ARHGAP42: variants seen among roughly 807,000 people sequenced by gnomAD.
ARHGAP42 encodes Rho GTPase activating protein 42, also known as rho GTPase-activating protein 42.
ARHGAP42 carries 63 observed loss-of-function variants against 125.0 expected under a neutral mutation model. That is an observed-to-expected ratio of 0.50 (90% CI 0.41 to 0.62). ARHGAP42 has a LOEUF of 0.62. ARHGAP42 is among the 20% of genes least tolerant of loss of function. The pLI is 0.00. For missense variants in ARHGAP42, 766 were observed against 1,024.2 expected (o/e 0.75, Z 3.44); for synonymous variants, 339 against 351.0 (o/e 0.97, Z 0.38).
At chr11:100,849,546 T>C (rs1419636890) in intron 3 of ARHGAP42, among the ~76,000 whole-genome samples, 1 of 152,308 alleles carries the variant, frequency 6.6e-6, no homozygotes, top group East Asian at 1.9e-4. Flanking sequence ...CTTTGTATTC[T>C]GTGTTAAAGC....
intron 3 of ARHGAP42, among the ~76,000 whole-genome samples, chr11:100,819,144 C>T (rs913670918): frequency 2.0e-5 from 3 of 152,110 alleles, no homozygotes; most frequent in Admixed American, 6.6e-5. Flanking sequence ...TTTGCATTCA[C>T]CAAACATAGC....
chr11:100,779,337 C>T (rs1392966937), intron 2 of ARHGAP42, among the ~76,000 whole-genome samples: 1 of 149,974 alleles, frequency 6.7e-6, no homozygotes, highest in Non-Finnish European at 1.5e-5. Context: ...CCCAGCTACT[C>T]GAGAGGCTGA....
chr11:100,912,366 G>C (rs1341422738), intron 4 of ARHGAP42, among the ~76,000 whole-genome samples: 1 of 152,000 alleles, frequency 6.6e-6, no homozygotes, highest in Admixed American at 6.6e-5. Context: ...ATGAAGCAAA[G>C]CATTATGTGT....
At chr11:100,775,329 C>T (rs1057025913) in intron 2 of ARHGAP42, among the ~76,000 whole-genome samples, 1 of 152,044 alleles carries the variant, frequency 6.6e-6, no homozygotes, top group Non-Finnish European at 1.5e-5. Flanking sequence ...GACTATAAAC[C>T]GGTATAAGAT....
chr11:100,888,839 G>T (rs527900410), intron 4 of ARHGAP42, among the ~76,000 whole-genome samples: 63 of 152,270 alleles, frequency 4.1e-4, no homozygotes, highest in South Asian at 8.3e-4. Context: ...TGGTTCCATT[G>T]TCACCTTGTC....
intron 8 of ARHGAP42, among the ~76,000 whole-genome samples, chr11:100,936,631 A>G (rs1867745301): frequency 6.6e-6 from 1 of 152,212 alleles, no homozygotes; most frequent in Non-Finnish European, 1.5e-5. Flanking sequence ...GAAAATTGCA[A>G]GCCAAAGCCT....
intron 1 of ARHGAP42, among the ~76,000 whole-genome samples, chr11:100,741,693 A>AG: frequency 6.6e-6 from 1 of 152,230 alleles, no homozygotes; most frequent in Admixed American, 6.5e-5. Context: ...CTGCCTATAA[A>AG]GCAGATTTCT....
intron 1 of ARHGAP42, among the ~76,000 whole-genome samples, chr11:100,728,763 C>G (rs1697157810): frequency 8.8e-6 from 1 of 114,208 alleles, no homozygotes; most frequent in African/African-American, 3.2e-5. Context: ...TATATGCACA[C>G]TTTTCTTTTT....
At position 100,780,492 on chromosome 11, in the gene ARHGAP42, G is replaced by A. The variant is rs915327167; in HGVS notation, c.250+10054G>A. ...ATTGCTGGTGCATTTGTGGATATGG[G>A]CAGAACAGTGATGAAGTTGGTCCAC... On this transcript the variant is annotated intron_variant, in intron 2 of 23. Coordinates refer to ENST00000298815, the MANE Select transcript of ARHGAP42 (RefSeq NM_152432.4). Among the ~76,000 whole-genome samples the A allele has an allele frequency of 2.8e-4, 43 of 152,288 alleles. 1 individual carries two copies. Among genetic ancestry groups the A allele is most frequent in the African/African-American group, 9.1e-4 (38 of 41,546 alleles).
intron 1 of ARHGAP42, among the ~76,000 whole-genome samples, chr11:100,754,784 C>T (rs1565557008): frequency 6.6e-6 from 1 of 152,108 alleles, no homozygotes; most frequent in African/African-American, 2.4e-5. Context: ...CACTACGTAG[C>T]TTTATTCTGT....
chr11:100,778,349 G>A (rs1017825328), intron 2 of ARHGAP42, among the ~76,000 whole-genome samples: 1 of 151,824 alleles, frequency 6.6e-6, no homozygotes, highest in African/African-American at 2.4e-5. Context: ...CTTCTCATTT[G>A]CTGAATCAAA....
intron 4 of ARHGAP42, among the ~76,000 whole-genome samples, chr11:100,902,359 T>G (rs1036175648): frequency 1.5e-4 from 23 of 151,188 alleles, no homozygotes; most frequent in African/African-American, 4.6e-4. Context: ...CATGGTAATA[T>G]GTTGATTTTT....
intron 3 of ARHGAP42, among the ~76,000 whole-genome samples, chr11:100,842,717 A>C (rs1864971254): frequency 6.6e-6 from 1 of 152,172 alleles, no homozygotes; most frequent in Non-Finnish European, 1.5e-5. Flanking sequence ...CTCCTAAATA[A>C]CCATTGGGTC....
intron 4 of ARHGAP42, among the ~76,000 whole-genome samples, chr11:100,903,510 A>T (rs888099594): frequency 1.1e-4 from 17 of 151,402 alleles, no homozygotes; most frequent in African/African-American, 4.1e-4. Flanking sequence ...CCTGTCTGGT[A>T]TGCAGAATTA....
At chr11:100,882,192 A>G (rs1447705665) in intron 4 of ARHGAP42, among the ~76,000 whole-genome samples, 1 of 152,148 alleles carries the variant, frequency 6.6e-6, no homozygotes, top group Non-Finnish European at 1.5e-5. Context: ...GAATGCTTTC[A>G]ACTTTTCTCC....
intron 17 of ARHGAP42, among the ~76,000 whole-genome samples, chr11:100,969,638 C>A (rs1210264926): frequency 6.6e-6 from 1 of 151,826 alleles, no homozygotes; most frequent in Non-Finnish European, 1.5e-5. Flanking sequence ...ACATTTGGTT[C>A]TTATTTTTAA....
intron 2 of ARHGAP42, among the ~76,000 whole-genome samples, chr11:100,787,027 C>T (rs1347993063): frequency 5.9e-5 from 9 of 152,048 alleles, no homozygotes; most frequent in South Asian, 2.1e-4. Context: ...CCCGTAATCC[C>T]AGCATTTTGG....
Position 100,961,738 on chromosome 11 carries a change from C to T in ARHGAP42, c.1355C>T (p.Thr452Met), listed in dbSNP as rs763050517. The change falls in exon 15 of 24, where the codon ACG becomes ATG. Residue 452 changes from threonine to methionine, a missense_variant. Thr to Met is a moderately conservative substitution (Grantham distance 81). This residue lies in a region of ARHGAP42 where 455 missense variants were observed against 636.5 expected (regional missense o/e 0.71). Transcript: ENST00000298815. ...GATATTGAACTGTGGGACAATAAGA[C>T]GATAACAAGTGGGCTGAAAAACTAC... ...DIDIELWDNK[T>M]ITSGLKNYLR... is the part of the protein sequence containing the mutation. 13 of 1,551,516 alleles carry T rather than the reference C, an allele frequency of 8.4e-6. No individual in the cohort carries two copies. The highest frequency in any genetic ancestry group is 1.4e-5 in the African/African-American group (1 of 72,988).
At chr11:100,943,083 G>A (rs1273577225) in intron 9 of ARHGAP42, among the ~76,000 whole-genome samples, 1 of 151,948 alleles carries the variant, frequency 6.6e-6, no homozygotes, top group Non-Finnish European at 1.5e-5. Flanking sequence ...TGTCCAGAGA[G>A]TCAGTTTTAG....
Sources: allele counts gnomAD v4.1 joint callset (sites outside exome capture counted in the v4.1 genomes callset), GRCh38; gene constraint gnomAD v4.1.1; regional missense constraint gnomAD v4.1.1; transcripts MANE v1.5; gene names NCBI Gene and HGNC (gene_info 2026-07-23, HGNC 2026-07-21).